The following DAPK1 variants were observed in gnomAD, a reference collection of about 807,000 sequenced individuals.
The protein encoded by DAPK1 is death-associated protein kinase 1.
DAPK1 carries 56 observed loss-of-function variants against 144.9 expected under a neutral mutation model. That is an observed-to-expected ratio of 0.39 (90% CI 0.31 to 0.48). DAPK1 has a LOEUF of 0.48. Among genes scored for constraint, DAPK1 ranks in the 20% least tolerant of loss-of-function variants. The pLI, the probability that DAPK1 is intolerant of heterozygous loss-of-function variation, is 0.95. For missense variants in DAPK1, 1,454 were observed against 1,875.4 expected (o/e 0.78, Z 4.15); for synonymous variants, 690 against 749.0 (o/e 0.92, Z 1.29).
chr9:87,651,841 T>G (rs1468471108), intron 17 of DAPK1, 117 bp downstream of exon 17: 22 of 766,868 alleles, frequency 2.9e-5, no homozygotes, highest in Non-Finnish European at 3.9e-5. Context: ...TCCTCCCACC[T>G]GATCCCGGGT....
chr9:87,648,673 AAG>A, intron 14 of DAPK1, 106 bp from the exon 15 acceptor site: 1 of 1,003,520 alleles, frequency 1.0e-6, no homozygotes, highest in East Asian at 2.4e-5. Context: ...GGTGGAACCA[AAG>A]GGGACAGAGT....
chr9:87,684,219 T>TGGCTTTGTTAGACACCCGA (rs1347448269), intron 20 of DAPK1, among the ~76,000 whole-genome samples: 1 of 152,324 alleles, frequency 6.6e-6, no homozygotes, highest in Non-Finnish European at 1.5e-5. Context: ...CGGAGCAGCG[T>TGGCTTTGTTAGACACCCGA]GGCTTTGTTA....
intron 20 of DAPK1, among the ~76,000 whole-genome samples, chr9:87,683,806 G>GCC (rs1396026061): frequency 6.6e-6 from 1 of 152,216 alleles, no homozygotes; most frequent in Non-Finnish European, 1.5e-5. Flanking sequence ...GGGGGCAGAA[G>GCC]CCCCTCTGCA....
intron 3 of DAPK1, among the ~76,000 whole-genome samples, chr9:87,623,538 C>T (rs138146075): frequency 4.0e-4 from 61 of 152,152 alleles, no homozygotes; most frequent in African/African-American, 1.4e-3. Context: ...AGCGACAGTC[C>T]GTCCCCATCA....
chr9:87,545,499 G>A (rs1826213386), intron 2 of DAPK1, among the ~76,000 whole-genome samples: 1 of 152,188 alleles, frequency 6.6e-6, no homozygotes, highest in Non-Finnish European at 1.5e-5. Context: ...CAGTCAGAAT[G>A]CTTAGGCTTG....
At chr9:87,659,079 A>G (rs1830735788) in intron 18 of DAPK1, among the ~76,000 whole-genome samples, 1 of 152,226 alleles carries the variant, frequency 6.6e-6, no homozygotes, top group Non-Finnish European at 1.5e-5. Flanking sequence ...CAGAGACCAT[A>G]TGGGCCACAG....
chr9:87,679,742 A>C (rs1003596686), intron 19 of DAPK1, among the ~76,000 whole-genome samples: 3 of 152,138 alleles, frequency 2.0e-5, no homozygotes, highest in Non-Finnish European at 4.4e-5. Context: ...GAACTATTTC[A>C]TTCTGTGGAG....
intron 3 of DAPK1, among the ~76,000 whole-genome samples, chr9:87,609,304 G>A (rs1828841785): frequency 6.6e-6 from 1 of 152,172 alleles, no homozygotes; most frequent in African/African-American, 2.4e-5. Context: ...AATAATGTGA[G>A]CAAATTCCTA....
chr9:87,650,336 T>G, intron 16 of DAPK1: 1 of 531,448 alleles, frequency 1.9e-6, no homozygotes. Context: ...CATGAGTTGA[T>G]CAATTGACTT....
At position 87,646,475 on chromosome 9, in the gene DAPK1, A is replaced by C. The variant is rs745543927; in HGVS notation, c.1146A>C (p.Pro382=). Residue 382 remains proline, a synonymous_variant, in exon 13 of 26, where the codon CCA becomes CCC. Transcript: ENST00000408954. ...GCCTATTCTAGCACGGGACACCTCCATTACTCATTGCTGCTGGCTGTGGGA... is the reference window on the plus strand; with the variant it reads ...GCCTATTCTAGCACGGGACACCTCCCTTACTCATTGCTGCTGGCTGTGGGA... ...VNQPNKHGTP[P]LLIAAGCGNI... 3.1e-6 allele frequency: 5 copies of C among 1,613,796 alleles called. No homozygotes were observed. The highest frequency in any genetic ancestry group is 1.6e-4 in the Middle Eastern group (1 of 6,062).
chr9:87,636,560 A>G (rs901307598), intron 3 of DAPK1, among the ~76,000 whole-genome samples: 3 of 152,224 alleles, frequency 2.0e-5, no homozygotes, highest in Non-Finnish European at 4.4e-5. Flanking sequence ...TCTGATACCC[A>G]TGGACTCTAG....
intron 3 of DAPK1, among the ~76,000 whole-genome samples, chr9:87,631,122 C>G (rs1304038834): frequency 3.3e-5 from 5 of 152,076 alleles, no homozygotes; most frequent in Admixed American, 2.6e-4. Flanking sequence ...GGGGAGCATA[C>G]TTGGTGCCTG....
chr9:87,595,790 CTG>C (rs1828294696), intron 2 of DAPK1, among the ~76,000 whole-genome samples: 1 of 152,168 alleles, frequency 6.6e-6, no homozygotes, highest in South Asian at 2.1e-4. Flanking sequence ...TTTCCTACCT[CTG>C]TGTGTTGTTC....
At position 87,616,751 on chromosome 9, in the gene DAPK1, A is replaced by C. The variant is rs36208410; in HGVS notation, c.284+11576A>C. Among the ~76,000 whole-genome samples, 295 of 151,720 alleles carry C rather than the reference A, an allele frequency of 1.9e-3. 4 individuals are homozygous for C. The East Asian group carries it at 0.055, about 28-fold the overall frequency. On this transcript the variant is annotated intron_variant, in intron 3 of 25. Transcript: ENST00000408954. ...TGGTGTGAGGACCCTGGAATGGATAACTTCCTGGAGAGCACTGCATAACAC... is the reference window on the plus strand; with the variant it reads ...TGGTGTGAGGACCCTGGAATGGATACCTTCCTGGAGAGCACTGCATAACAC...
chr9:87,652,256 T>C (rs1830470949), intron 17 of DAPK1, among the ~76,000 whole-genome samples: 1 of 135,654 alleles, frequency 7.4e-6, no homozygotes, highest in Admixed American at 7.2e-5. Flanking sequence ...GTCCTGATTC[T>C]GTGTCCATCC....
intron 2 of DAPK1, among the ~76,000 whole-genome samples, chr9:87,557,935 C>T (rs1196064475): frequency 1.3e-5 from 2 of 151,570 alleles, no homozygotes; most frequent in African/African-American, 2.4e-5. Flanking sequence ...AGTGAGACTC[C>T]GTCTGAAGAC....
At position 87,698,742 on chromosome 9, in the gene DAPK1, G is replaced by A; in HGVS notation, c.2698G>A (p.Gly900Ser). The A allele has an allele frequency of 6.2e-7, 1 of 1,605,934 alleles. No individual in the cohort carries two copies. The highest frequency in any genetic ancestry group is 8.5e-7 in the Non-Finnish European group (1 of 1,172,570). The change falls in exon 23 of 26, where the codon GGC becomes AGC. Residue 900 changes from glycine to serine, a missense_variant. This residue lies in a region of DAPK1 where 1,025 missense variants were observed against 1,237.9 expected (regional missense o/e 0.83). Transcript: ENST00000408954. ...CATGAATGTTCCTCGACCGGCTGGA[G>A]GCGAGTTTGGATATGACAAAGACAC... ...DIMNVPRPAG[G>S]EFGYDKDTSL...
chr9:87,703,884 G>C (rs1825544780), intron 25 of DAPK1, among the ~76,000 whole-genome samples: 1 of 152,210 alleles, frequency 6.6e-6, no homozygotes, highest in South Asian at 2.1e-4. Context: ...GTGCCTTCGT[G>C]TTTCTCCACC....
chr9:87,610,003 A>C (rs541943819), intron 3 of DAPK1, among the ~76,000 whole-genome samples: 2 of 152,180 alleles, frequency 1.3e-5, no homozygotes, highest in Admixed American at 1.3e-4. Flanking sequence ...TTGGTATTTC[A>C]TGAACCACTG....
Sources: gnomAD v4.1 joint callset for allele counts (sites outside exome capture counted in the v4.1 genomes callset) on GRCh38, gnomAD v4.1.1 for gene constraint, gnomAD v4.1.1 regional missense constraint, MANE v1.5 for transcripts, NCBI Gene and HGNC (gene_info 2026-07-23, HGNC 2026-07-21) for gene names.